Variants in DMBT1 observed in about 807,000 individuals in gnomAD.
The protein encoded by DMBT1 is deleted in malignant brain tumors 1, also known as scavenger receptor cysteine-rich domain-containing protein DMBT1.
In DMBT1, 198 loss-of-function variants were observed where a neutral mutation model predicts 252.9. The observed-to-expected ratio is 0.78, with a 90% confidence interval of 0.70 to 0.88. The LOEUF is 0.88. Among genes scored for constraint, DMBT1 ranks in the 40% least tolerant of loss-of-function variants. The pLI is 0.00. For missense variants in DMBT1, 2,432 were observed against 2,404.7 expected (o/e 1.01, Z -0.24); for synonymous variants, 990 against 942.7 (o/e 1.05, Z -0.92).
chr10:122,621,195 G>C lies in DMBT1; in HGVS notation c.5423G>C (p.Arg1808Thr). ...ACCAATGATGCCAATGTGGTCTGCA[G>C]GCAGCTGGGCTGTGGCTGGGCCATG... ...WDTNDANVVCRQLGCGWAMSA... is the reference protein window; with the variant it reads ...WDTNDANVVCTQLGCGWAMSA... Residue 1808 changes from arginine to threonine, a missense_variant, in exon 44 of 56, where the codon AGG becomes ACG. Transcript: ENST00000338354. The C allele has an allele frequency of 6.2e-7, 1 of 1,613,940 alleles. No individual in the cohort carries two copies. Among genetic ancestry groups the C allele is most frequent in the Non-Finnish European group, 8.5e-7 (1 of 1,179,828 alleles).
intron 1 of DMBT1, among the ~76,000 whole-genome samples, chr10:122,562,709 T>C (rs530807720): frequency 1.3e-5 from 2 of 152,332 alleles, no homozygotes; most frequent in Non-Finnish European, 2.9e-5. Context: ...TTGCCCATGA[T>C]GTTATGTGCA....
intron 46 of DMBT1, 127 bp from the exon 47 acceptor site, chr10:122,629,713 A>G: frequency 2.6e-6 from 3 of 1,171,414 alleles, no homozygotes; most frequent in Non-Finnish European, 3.6e-6. Context: ...GGACTTGTTT[A>G]CAGGGAAAGT....
In DMBT1 at chr10:122,630,210, C is replaced by T. The variant is rs748976185; in HGVS notation, c.5823-78C>T. On this transcript the variant is annotated intron_variant, in intron 47 of 55. Transcript: ENST00000338354. ...AAAACCTGTATTCAATGGCATCCCT[C>T]GTAAAGTGCAAACTATTTATAAAAT... 2.4e-4 allele frequency: 354 copies of T among 1,476,510 alleles called. 1 individual carries two copies. Among genetic ancestry groups the T allele is most frequent in the East Asian group, 1.6e-3 (70 of 43,940 alleles). The allele number at this position is 1,476,510 out of a possible 1,614,324, so 91.5% of individuals were successfully genotyped here. A position where few individuals can be genotyped will look rare whatever the true frequency, so the allele number is the denominator to read the frequency against.
intron 52 of DMBT1, among the ~76,000 whole-genome samples, chr10:122,634,364 C>CTTTCTT (rs1555030012): frequency 2.0e-3 from 232 of 117,308 alleles, no homozygotes; most frequent in Non-Finnish European, 3.3e-3. Context: ...TTCTTTCTTT[C>CTTTCTT]TTTCTTTCTT....
rs1367224682 is a variant in DMBT1, at chr10:122,585,606, T to C, written c.1459+297T>C. Among the ~76,000 whole-genome samples, 4 of 148,690 alleles carry C rather than the reference T, an allele frequency of 2.7e-5. 1 individual carries two copies. Among genetic ancestry groups the C allele is most frequent in the Non-Finnish European group, 6.0e-5 (4 of 66,756 alleles). Reference sequence around the variant, plus strand: ...CCTAATCCTACTAAGACCTCATTCCTGTCCCTCAGCCCATGGGCTGCAGAG... The same window carrying C: ...CCTAATCCTACTAAGACCTCATTCCCGTCCCTCAGCCCATGGGCTGCAGAG... On this transcript the variant is annotated intron_variant, in intron 15 of 55. Transcript: ENST00000338354.
intron 54 of DMBT1, among the ~76,000 whole-genome samples, chr10:122,638,939 A>G (rs1843993271): frequency 6.6e-6 from 1 of 152,226 alleles, no homozygotes; most frequent in Admixed American, 6.5e-5. Flanking sequence ...TCTCAGGACA[A>G]CTTTATTCCC....
intron 49 of DMBT1, 78 bp downstream of exon 49, chr10:122,631,359 G>T: frequency 6.5e-7 from 1 of 1,543,882 alleles, no homozygotes; most frequent in South Asian, 1.2e-5. Context: ...GTGGCTGATG[G>T]TGTCTGTGGC....
chr10:122,577,427 C>T (rs2097722415), intron 7 of DMBT1, among the ~76,000 whole-genome samples: 1 of 152,270 alleles, frequency 6.6e-6, no homozygotes, highest in East Asian at 1.9e-4. Context: ...AGGGGGACCT[C>T]CTAGAGTATC....
chr10:122,630,040 A>T, intron 47 of DMBT1, 47 bp downstream of exon 47: 1 of 1,608,032 alleles, frequency 6.2e-7, no homozygotes. Context: ...CCTCTGCAGC[A>T]CACCCACTGG....
chr10:122,623,438 G>A (rs528449045), intron 44 of DMBT1, among the ~76,000 whole-genome samples: 33 of 152,140 alleles, frequency 2.2e-4, no homozygotes, highest in Non-Finnish European at 4.3e-4. Flanking sequence ...GGGATTGCTC[G>A]GTAATAGGGT....
intron 19 of DMBT1, 70 bp downstream of exon 19, chr10:122,591,587 A>T: frequency 6.8e-7 from 1 of 1,478,782 alleles, no homozygotes; most frequent in South Asian, 1.2e-5. Context: ...TCTGAAAATG[A>T]TAGGATGAGG....
chr10:122,634,001 G>A (rs1244558579), intron 52 of DMBT1, among the ~76,000 whole-genome samples: 1 of 152,088 alleles, frequency 6.6e-6, no homozygotes, highest in Admixed American at 6.5e-5. Context: ...GCTGGGTGTG[G>A]TGGCCTGCAC....
chr10:122,577,579 G>A (rs1179373189), intron 7 of DMBT1, among the ~76,000 whole-genome samples: 4 of 152,140 alleles, frequency 2.6e-5, no homozygotes, highest in Non-Finnish European at 5.9e-5. Context: ...CCCAGGCACC[G>A]AAGTGACCTT....
chr10:122,585,969 A>G lies in DMBT1; in HGVS notation c.1460-91A>G. ...GGTGACTGCCTGCCCAGGTGACTTT[A>G]GCCATTAGGACGTGCCTTGAGTGTG... On this transcript the variant is annotated intron_variant, in intron 15 of 55. Coordinates refer to ENST00000338354, the MANE Select transcript of DMBT1 (RefSeq NM_001377530.1). 1.9e-6 allele frequency: 3 copies of G among 1,563,852 alleles called. 1 individual carries two copies. The highest frequency in any genetic ancestry group is 2.6e-6 in the Non-Finnish European group (3 of 1,153,256).
At chr10:122,566,373 G>T (rs749326663) in intron 2 of DMBT1, among the ~76,000 whole-genome samples, 4 of 151,228 alleles carry the variant, frequency 2.6e-5, no homozygotes, top group Non-Finnish European at 4.4e-5. Context: ...GTGCAGTGGT[G>T]CAATCTCAGC....
At chr10:122,599,145 C>G (rs751587505) in intron 26 of DMBT1, 48 bp downstream of exon 26, 6 of 1,613,212 alleles carry the variant, frequency 3.7e-6, no homozygotes, top group South Asian at 2.2e-5. Flanking sequence ...GGAGTTTGCT[C>G]CAGAAGAAAC....
chr10:122,568,990 T>G (rs1037738651), intron 2 of DMBT1, among the ~76,000 whole-genome samples: 5 of 152,242 alleles, frequency 3.3e-5, no homozygotes, highest in Non-Finnish European at 7.3e-5. Context: ...TACATATGTG[T>G]GTGCTCTACA....
rs921441564 is a variant in DMBT1 at position 122,591,924 on chromosome 10, G to A, written c.2177-348G>A. 1.3e-5 allele frequency among the ~76,000 whole-genome samples: 2 copies of A among 149,088 alleles called. 1 individual carries two copies. The highest frequency in any genetic ancestry group is 4.9e-5 in the African/African-American group (2 of 41,198). On this transcript the variant is annotated intron_variant, in intron 19 of 55. Transcript: ENST00000338354. Reference sequence around the variant, plus strand: ...TTTGCCAGAAGCCAGAGAGGACCACGTGGGTGCCACCAAACTCTTCGACAT... The same window carrying A: ...TTTGCCAGAAGCCAGAGAGGACCACATGGGTGCCACCAAACTCTTCGACAT...
intron 1 of DMBT1, 52 bp from the exon 2 acceptor site, chr10:122,565,915 T>A: frequency 6.3e-7 from 1 of 1,594,342 alleles, no homozygotes; most frequent in Non-Finnish European, 8.6e-7. Flanking sequence ...CTGTGACTTG[T>A]AGGAAATCAT....
Sources: gnomAD v4.1 joint callset for allele counts (sites outside exome capture counted in the v4.1 genomes callset) on GRCh38, gnomAD v4.1.1 for gene constraint, MANE v1.5 for transcripts, NCBI Gene and HGNC (gene_info 2026-07-23, HGNC 2026-07-21) for gene names.